PPP1R12B: variants seen among roughly 807,000 people sequenced by gnomAD.
PPP1R12B encodes myosin phosphatase target subunit 2.
A neutral mutation model predicts 126.1 loss-of-function variants in PPP1R12B; 76 were observed. The observed-to-expected ratio is 0.60, with a 90% confidence interval of 0.50 to 0.73. The LOEUF is 0.73. Ranked by LOEUF, PPP1R12B falls within the 30% of genes least tolerant of loss-of-function variation. The pLI, the probability that PPP1R12B is intolerant of heterozygous loss-of-function variation, is 0.00. For missense variants in PPP1R12B, 1,052 were observed against 1,205.1 expected (o/e 0.87, Z 1.88); for synonymous variants, 356 against 434.7 (o/e 0.82, Z 2.25).
chr1:202,417,716 T>A (rs1209175768), intron 2 of PPP1R12B, among the ~76,000 whole-genome samples: 1 of 152,208 alleles, frequency 6.6e-6, no homozygotes, highest in Non-Finnish European at 1.5e-5. Flanking sequence ...AATCATGATA[T>A]TCTATGCTCC....
intron 13 of PPP1R12B, among the ~76,000 whole-genome samples, chr1:202,486,364 C>T (rs1678122063): frequency 6.6e-6 from 1 of 151,988 alleles, no homozygotes; most frequent in Non-Finnish European, 1.5e-5. Context: ...ATTAAAATAA[C>T]AAATATATTC....
At chr1:202,438,709 G>T in intron 10 of PPP1R12B, 1 of 646,652 alleles carries the variant, frequency 1.5e-6, no homozygotes, top group South Asian at 1.6e-5. Flanking sequence ...TCAAGGGCCA[G>T]GTGGTTACCG....
chr1:202,501,511 G>A (rs2148873095), intron 18 of PPP1R12B, among the ~76,000 whole-genome samples: 1 of 152,280 alleles, frequency 6.6e-6, no homozygotes, highest in South Asian at 2.1e-4. Flanking sequence ...AGATATTGGT[G>A]AGCAGGCAGA....
At chr1:202,427,911 A>G (rs1040196336) in intron 5 of PPP1R12B, among the ~76,000 whole-genome samples, 7 of 151,954 alleles carry the variant, frequency 4.6e-5, no homozygotes, top group African/African-American at 1.5e-4. Flanking sequence ...CAGCCTCCCA[A>G]AACGCTGGGA....
At chr1:202,391,654 G>T (rs1427509215) in intron 1 of PPP1R12B, among the ~76,000 whole-genome samples, 1 of 85,812 alleles carries the variant, frequency 1.2e-5, no homozygotes, top group South Asian at 5.0e-4. Flanking sequence ...ATTATCTTCA[G>T]GTGTACTGAA....
intron 1 of PPP1R12B, among the ~76,000 whole-genome samples, chr1:202,364,048 C>T (rs1404486779): frequency 1.3e-5 from 2 of 152,164 alleles, no homozygotes; most frequent in African/African-American, 2.4e-5. Context: ...GTGTGAGCCA[C>T]CATGCCTGGC....
At chr1:202,506,219 C>T (rs1262129168) in intron 18 of PPP1R12B, among the ~76,000 whole-genome samples, 3 of 152,222 alleles carry the variant, frequency 2.0e-5, no homozygotes, top group Non-Finnish European at 4.4e-5. Flanking sequence ...AGGATCTTTC[C>T]TCTCACTGTA....
chr1:202,486,309 A>G (rs1246374591), intron 13 of PPP1R12B, among the ~76,000 whole-genome samples: 1 of 152,164 alleles, frequency 6.6e-6, no homozygotes, highest in Non-Finnish European at 1.5e-5. Flanking sequence ...AAAAAATATT[A>G]AAGGATCTTG....
intron 13 of PPP1R12B, among the ~76,000 whole-genome samples, chr1:202,469,905 G>A (rs1298863535): frequency 6.6e-6 from 1 of 152,128 alleles, no homozygotes; most frequent in Non-Finnish European, 1.5e-5. Context: ...GCCAAATTTT[G>A]TGTATACGTA....
At chr1:202,536,969 C>T (rs968386445) in intron 18 of PPP1R12B, among the ~76,000 whole-genome samples, 18 of 152,150 alleles carry the variant, frequency 1.2e-4, no homozygotes, top group African/African-American at 2.7e-4. Context: ...AAGAACCTGC[C>T]TGAGGCAATT....
At chr1:202,374,493 C>CTTTTTTTTT (rs1160730172) in intron 1 of PPP1R12B, among the ~76,000 whole-genome samples, 5 of 89,500 alleles carry the variant, frequency 5.6e-5, no homozygotes, top group African/African-American at 8.7e-5. Flanking sequence ...TTGTCTCTCT[C>CTTTTTTTTT]TTTTTTTTTT....
intron 18 of PPP1R12B, among the ~76,000 whole-genome samples, chr1:202,532,860 CTTTTTTT>C (rs375983770): frequency 1.7e-4 from 16 of 93,844 alleles, no homozygotes; most frequent in Admixed American, 7.5e-4. Context: ...ATCACATTCA[CTTTTTTT>C]TTTTTTTTTT....
intron 10 of PPP1R12B, chr1:202,438,602 C>A: frequency 4.1e-6 from 2 of 484,986 alleles, no homozygotes; most frequent in South Asian, 3.6e-5. Flanking sequence ...GAGTTCCTCG[C>A]TGCCATGGAG....
At chr1:202,403,017 G>A (rs1390616867) in intron 1 of PPP1R12B, among the ~76,000 whole-genome samples, 2 of 152,100 alleles carry the variant, frequency 1.3e-5, no homozygotes, top group African/African-American at 2.4e-5. Flanking sequence ...GTGGGTATAT[G>A]GGGGGGTCAC....
In PPP1R12B at chr1:202,562,827, CG is replaced by C. The variant is rs1458190165; in HGVS notation, c.2560del (p.Ala854LeufsTer14). Reference sequence around the variant, plus strand: ...TACAACCAGTGATTCTTACGGTGACCGGGCTTCAGCAAGAGCCCGTCGGGAG... The same window carrying C: ...TACAACCAGTGATTCTTACGGTGACCGGCTTCAGCAAGAGCCCGTCGGGAG... The part of the protein sequence containing the change: ...NPTTSDSYGD[R>X]ASARARREAR... On this transcript the variant is annotated frameshift_variant, in exon 20 of 24. Transcript: ENST00000608999. LOFTEE classifies it high-confidence loss of function. 1 of 1,613,028 alleles carries C rather than the reference CG, an allele frequency of 6.2e-7. No individual in the cohort carries two copies. Among genetic ancestry groups the C allele is most frequent in the African/African-American group, 1.3e-5 (1 of 74,878 alleles).
intron 1 of PPP1R12B, among the ~76,000 whole-genome samples, chr1:202,409,305 G>A (rs1339592049): frequency 6.7e-6 from 1 of 149,128 alleles, no homozygotes; most frequent in Non-Finnish European, 1.5e-5. Flanking sequence ...AGTGCACAAG[G>A]ATTTTAATTC....
chr1:202,482,415 T>C (rs1433036226), intron 13 of PPP1R12B, among the ~76,000 whole-genome samples: 1 of 152,246 alleles, frequency 6.6e-6, no homozygotes, highest in East Asian at 1.9e-4. Context: ...TTTTGTCTTT[T>C]TGATAATGGT....
In PPP1R12B at chr1:202,366,266, C is replaced by T. The variant is rs144813352; in HGVS notation, c.291+17124C>T. Among the ~76,000 whole-genome samples the T allele has an allele frequency of 2.4e-3, 360 of 151,768 alleles. 8 individuals carry two copies. The East Asian group carries it at 0.059, about 25-fold the overall frequency. On this transcript the variant is annotated intron_variant, in intron 1 of 23. Coordinates refer to ENST00000608999, the MANE Select transcript of PPP1R12B (RefSeq NM_002481.4). ...GGGTGTGGTGGCTCATGCCTGTAATCCCAGCACTTTGGGAGGCTGAGGCGG... is the reference window on the plus strand; with the variant it reads ...GGGTGTGGTGGCTCATGCCTGTAATTCCAGCACTTTGGGAGGCTGAGGCGG...
intron 1 of PPP1R12B, among the ~76,000 whole-genome samples, chr1:202,356,466 A>G (rs1425231859): frequency 6.6e-6 from 1 of 152,140 alleles, no homozygotes; most frequent in Non-Finnish European, 1.5e-5. Context: ...AAAAATGTCT[A>G]AGTCCTAATC....
Sources: allele counts gnomAD v4.1 joint callset (sites outside exome capture counted in the v4.1 genomes callset), GRCh38; gene constraint gnomAD v4.1.1; transcripts MANE v1.5; gene names NCBI Gene and HGNC (gene_info 2026-07-23, HGNC 2026-07-21).